The following SNAP91 variants were observed in gnomAD, a reference collection of about 807,000 sequenced individuals.
The protein encoded by SNAP91 is clathrin coat assembly protein AP180.
SNAP91 carries 27 observed loss-of-function variants against 100.3 expected under a neutral mutation model. The observed-to-expected ratio is 0.27, with a 90% CI of 0.20 to 0.37. The LOEUF (loss-of-function observed/expected upper bound fraction) is 0.37, where lower values mean the gene tolerates loss of function less well. Among genes scored for constraint, SNAP91 ranks in the 10% least tolerant of loss-of-function variants. SNAP91 has a pLI of 1.00. For synonymous variants in SNAP91, 404 were observed against 398.6 expected, an observed-to-expected ratio of 1.01 and a Z score of -0.16; for missense variants, 986 against 1,123.7, an observed-to-expected ratio of 0.88 and a Z score of 1.75.
intron 2 of SNAP91, among the ~76,000 whole-genome samples, chr6:83,670,284 T>C (rs555324543): frequency 9.9e-5 from 15 of 151,576 alleles, no homozygotes; most frequent in Non-Finnish European, 1.8e-4. Context: ...TGTTGTGATA[T>C]CTCTCGGTGG....
intron 3 of SNAP91, among the ~76,000 whole-genome samples, chr6:83,663,347 A>G (rs1166647662): frequency 6.6e-6 from 1 of 152,186 alleles, no homozygotes; most frequent in Non-Finnish European, 1.5e-5. Flanking sequence ...AAGCTGAGAA[A>G]GGCCAAAAGC....
intron 26 of SNAP91, among the ~76,000 whole-genome samples, chr6:83,568,758 T>C (rs897604600): frequency 3.9e-4 from 59 of 152,256 alleles, no homozygotes; most frequent in African/African-American, 1.4e-3. Context: ...CAATAAAAAC[T>C]TTAAAAAGGC....
intron 26 of SNAP91, among the ~76,000 whole-genome samples, chr6:83,573,708 T>A (rs938656786): frequency 7.9e-5 from 12 of 152,170 alleles, no homozygotes; most frequent in Non-Finnish European, 1.2e-4. Flanking sequence ...GGGAAAGGAA[T>A]CCTTATTTAA....
At chr6:83,574,298 C>A (rs1414352345) in intron 26 of SNAP91, among the ~76,000 whole-genome samples, 2 of 152,142 alleles carry the variant, frequency 1.3e-5, no homozygotes, top group African/African-American at 4.8e-5. Context: ...AAAACACGTT[C>A]TTTTTGTGTC....
At position 83,580,432 on chromosome 6, in the gene SNAP91, A is replaced by C. The variant is rs544688371; in HGVS notation, c.2299+18T>G. ...TATGCTTCAGTTAAAGAAAAAAAAA[A>C]AAAACTAGATTACTCACTGCCTACT... On this transcript the variant is annotated intron_variant, in intron 24 of 29. Transcript: ENST00000369694. 1.5e-4 allele frequency: 239 copies of C among 1,579,800 alleles called. 2 individuals are homozygous for C. The South Asian group carries it at 2.7e-3, about 18-fold the overall frequency.
At chr6:83,595,696 C>A (rs1354221154) in intron 16 of SNAP91, among the ~76,000 whole-genome samples, 1 of 152,136 alleles carries the variant, frequency 6.6e-6, no homozygotes, top group Non-Finnish European at 1.5e-5. Flanking sequence ...TTTCCTGGAA[C>A]ACTGTTCCTT....
At chr6:83,621,068 TG>T (rs11330412) in intron 9 of SNAP91, among the ~76,000 whole-genome samples, 121,289 of 151,982 alleles carry the variant, frequency 0.8, 48,940 homozygotes, top group African/African-American at 0.91. Context: ...TGGGGATACT[TG>T]GCGCAGGTTT....
intron 8 of SNAP91, among the ~76,000 whole-genome samples, chr6:83,640,857 C>A (rs1032591065): frequency 1.3e-5 from 2 of 152,064 alleles, no homozygotes; most frequent in African/African-American, 2.4e-5. Context: ...ATCCATGAAA[C>A]TTTTATTTGA....
intron 9 of SNAP91, among the ~76,000 whole-genome samples, chr6:83,620,422 C>A (rs1267261657): frequency 1.3e-5 from 2 of 152,156 alleles, no homozygotes; most frequent in Non-Finnish European, 2.9e-5. Context: ...GTACTTCGGA[C>A]CCATCTGCAG....
intron 16 of SNAP91, among the ~76,000 whole-genome samples, chr6:83,596,770 T>A (rs1242506671): frequency 6.6e-6 from 1 of 152,166 alleles, no homozygotes; most frequent in Non-Finnish European, 1.5e-5. Context: ...AGATTTTTTT[T>A]TTAAAAAGTC....
chr6:83,706,833 G>A (rs537825671), intron 2 of SNAP91, among the ~76,000 whole-genome samples: 1 of 152,180 alleles, frequency 6.6e-6, no homozygotes, highest in Non-Finnish European at 1.5e-5. Flanking sequence ...CAGGTCAAGA[G>A]AACTAAATAG....
At chr6:83,620,932 T>G (rs928959533) in intron 9 of SNAP91, among the ~76,000 whole-genome samples, 3 of 151,928 alleles carry the variant, frequency 2.0e-5, no homozygotes, top group Admixed American at 6.6e-5. Context: ...CTCGATCTCC[T>G]GAACTCATGA....
intron 2 of SNAP91, among the ~76,000 whole-genome samples, chr6:83,668,581 C>T (rs2098728991): frequency 6.6e-6 from 1 of 151,830 alleles, no homozygotes; most frequent in South Asian, 2.1e-4. Flanking sequence ...ATCGCAAGAA[C>T]AAAAAACCAA....
At chr6:83,577,852 C>A (rs1210495643) in intron 24 of SNAP91, among the ~76,000 whole-genome samples, 1 of 152,154 alleles carries the variant, frequency 6.6e-6, no homozygotes, top group African/African-American at 2.4e-5. Flanking sequence ...AAACCCTGTA[C>A]CAACTGGCAG....
intron 10 of SNAP91, among the ~76,000 whole-genome samples, chr6:83,616,397 A>G (rs1013242071): frequency 6.6e-6 from 1 of 152,190 alleles, no homozygotes; most frequent in African/African-American, 2.4e-5. Flanking sequence ...AGTCAAAAAT[A>G]TAAGTACTCA....
At chr6:83,695,272 A>C (rs2099186210) in intron 2 of SNAP91, among the ~76,000 whole-genome samples, 2 of 78,914 alleles carry the variant, frequency 2.5e-5, no homozygotes, top group Admixed American at 3.0e-4. Flanking sequence ...GTGAGGCTCC[A>C]TCTCAAAAAA....
At chr6:83,699,307 AGAG>A (rs1028999849) in intron 2 of SNAP91, among the ~76,000 whole-genome samples, 3 of 152,216 alleles carry the variant, frequency 2.0e-5, no homozygotes, top group Non-Finnish European at 2.9e-5. Context: ...AAGAAATAAA[AGAG>A]GAACTCAAAA....
intron 26 of SNAP91, among the ~76,000 whole-genome samples, chr6:83,568,313 G>A (rs1396235650): frequency 1.3e-5 from 2 of 152,058 alleles, no homozygotes; most frequent in African/African-American, 4.8e-5. Flanking sequence ...CTTGGACACA[G>A]GAAGGGGAAC....
rs192758803 is a variant in SNAP91 at position 83,657,925 on chromosome 6, C to A, written c.547-1060G>T. Among the ~76,000 whole-genome samples the A allele has an allele frequency of 5.8e-3, 859 of 148,066 alleles. 27 individuals are homozygous for A. Among genetic ancestry groups the A allele is most frequent in the Admixed American group, 0.045 (670 of 14,850 alleles). On this transcript the variant is annotated intron_variant, in intron 6 of 29. Coordinates refer to ENST00000369694, the MANE Select transcript of SNAP91 (RefSeq NM_001242792.2). ...AGGATTACAGGCATGCACCACCACACCTTGCTTTTTTTTTTTTTTTTTTTT... is the reference window on the plus strand; with the variant it reads ...AGGATTACAGGCATGCACCACCACAACTTGCTTTTTTTTTTTTTTTTTTTT...
Sources: allele counts gnomAD v4.1 joint callset (sites outside exome capture counted in the v4.1 genomes callset), GRCh38; gene constraint gnomAD v4.1.1; transcripts MANE v1.5; gene names NCBI Gene and HGNC (gene_info 2026-07-23, HGNC 2026-07-21).